CACNA1S: variants seen among roughly 807,000 people sequenced by gnomAD.
The protein encoded by CACNA1S is calcium voltage-gated channel subunit alpha1 S.
CACNA1S carries 126 observed loss-of-function variants against 207.4 expected under a neutral mutation model. The observed-to-expected ratio is 0.61, with a 90% CI of 0.53 to 0.70. The LOEUF is 0.70. Among genes scored for constraint, CACNA1S ranks in the 30% least tolerant of loss-of-function variants. The pLI is 0.00. For missense variants in CACNA1S, 2,349 were observed against 2,422.8 expected (o/e 0.97, Z 0.64); for synonymous variants, 960 against 932.7 (o/e 1.03, Z -0.53).
At chr1:201,102,580 G>A (rs978063713) in intron 2 of CACNA1S, among the ~76,000 whole-genome samples, 8 of 152,148 alleles carry the variant, frequency 5.3e-5, no homozygotes, top group Non-Finnish European at 8.8e-5. Context: ...TACCCAACAC[G>A]CATCCCAGTC....
intron 19 of CACNA1S, 36 bp downstream of exon 19, chr1:201,069,101 C>T (rs1661357078): frequency 6.3e-7 from 1 of 1,591,688 alleles, no homozygotes; most frequent in Non-Finnish European, 8.6e-7. Context: ...ATCAGGGAAA[C>T]TCCCTCCCCA....
intron 38 of CACNA1S, among the ~76,000 whole-genome samples, chr1:201,045,898 T>C (rs1156762558): frequency 1.3e-5 from 2 of 152,178 alleles, no homozygotes; most frequent in Non-Finnish European, 2.9e-5. Context: ...TTTTGGATGA[T>C]GGAACATCAT....
intron 15 of CACNA1S, 63 bp downstream of exon 15, chr1:201,073,486 A>C: frequency 7.5e-7 from 1 of 1,330,520 alleles, no homozygotes; most frequent in South Asian, 1.2e-5. Flanking sequence ...CTGTGGTATG[A>C]AGGGAACCAT....
At position 201,043,470 on chromosome 1, in the gene CACNA1S, G is replaced by A. The variant is rs909486129; in HGVS notation, c.4859C>T (p.Pro1620Leu). ...GAGGGGTCTCTGATTGGCCATGACGGGGGGCAGGGAGTTGGTCCTTTCCAG... is the reference window on the plus strand; with the variant it reads ...GAGGGGTCTCTGATTGGCCATGACGAGGGGCAGGGAGTTGGTCCTTTCCAG... ...NFLERTNSLP[P>L]VMANQRPLQF... The change falls in exon 40 of 44, where the codon CCC becomes CTC. Residue 1620 changes from proline to leucine, a missense_variant. Physicochemically the swap from Pro to Leu is moderately conservative, Grantham distance 98. Transcript: ENST00000362061. The A allele has an allele frequency of 6.2e-7, 1 of 1,613,888 alleles. No individual in the cohort carries two copies. The highest frequency in any genetic ancestry group is 1.3e-5 in the African/African-American group (1 of 74,878).
rs777962341 is a variant in CACNA1S at position 201,077,119 on chromosome 1, G to A, written c.1628C>T (p.Thr543Met). The change falls in exon 12 of 44, where the codon ACG becomes ATG. Residue 543 changes from threonine (T) to methionine (M), a missense_variant. Physicochemically the swap from Thr to Met is moderately conservative, Grantham distance 81 (BLOSUM62 -1). Transcript: ENST00000362061. ...GGATGCCACCAGGTTGCTCAGCGAC[G>A]TCCAATATCTGAAGGAAGAGGAGGC... Reference protein sequence around the residue: ...LRIFKITKYWTSLSNLVASLL... With the variant: ...LRIFKITKYWMSLSNLVASLL... 1.9e-5 allele frequency: 31 copies of A among 1,613,958 alleles called. No homozygotes were observed. Among genetic ancestry groups the A allele is most frequent in the Middle Eastern group, 1.7e-4 (1 of 6,038 alleles).
intron 12 of CACNA1S, 75 bp downstream of exon 12, chr1:201,076,845 C>A: frequency 2.2e-6 from 3 of 1,371,062 alleles, no homozygotes; most frequent in Non-Finnish European, 3.1e-6. Flanking sequence ...AGGTGATGCC[C>A]ACCTTGATCT....
intron 9 of CACNA1S, among the ~76,000 whole-genome samples, chr1:201,084,560 G>A (rs1350163572): frequency 2.0e-5 from 3 of 152,172 alleles, no homozygotes; most frequent in Non-Finnish European, 4.4e-5. Context: ...TCCTTCCTGA[G>A]GGGCTCCCGG....
chr1:201,099,546 T>C (rs1296771654), intron 2 of CACNA1S, among the ~76,000 whole-genome samples: 6 of 152,216 alleles, frequency 3.9e-5, no homozygotes, highest in Non-Finnish European at 8.8e-5. Context: ...AATGGACTCA[T>C]ATTCGTTGTT....
intron 6 of CACNA1S, among the ~76,000 whole-genome samples, chr1:201,088,350 C>A (rs1662106626): frequency 6.6e-6 from 1 of 152,180 alleles, no homozygotes. Context: ...CATCTAATGG[C>A]GATAATGACA....
chr1:201,093,434 G>A (rs962304287), intron 3 of CACNA1S, among the ~76,000 whole-genome samples: 1 of 152,188 alleles, frequency 6.6e-6, no homozygotes, highest in African/African-American at 2.4e-5. Context: ...CCCAATCTGT[G>A]GAATGTTATT....
At chr1:201,109,898 C>T (rs926573965) in intron 2 of CACNA1S, among the ~76,000 whole-genome samples, 1 of 152,222 alleles carries the variant, frequency 6.6e-6, no homozygotes, top group African/African-American at 2.4e-5. Context: ...AATGAATTTA[C>T]TCTCATCAGG....
At chr1:201,045,493 G>A (rs1660440690) in intron 38 of CACNA1S, among the ~76,000 whole-genome samples, 1 of 152,062 alleles carries the variant, frequency 6.6e-6, no homozygotes. Context: ...CCAGCACTTT[G>A]AGAAGCTGAG....
At chr1:201,096,774 C>A (rs929953162) in intron 2 of CACNA1S, among the ~76,000 whole-genome samples, 6 of 152,198 alleles carry the variant, frequency 3.9e-5, no homozygotes, top group African/African-American at 1.2e-4. Flanking sequence ...GCACCAAATG[C>A]TGAATACATC....
intron 2 of CACNA1S, among the ~76,000 whole-genome samples, chr1:201,109,189 A>G (rs1436145704): frequency 6.6e-6 from 1 of 151,094 alleles, no homozygotes; most frequent in Non-Finnish European, 1.5e-5. Context: ...CGGAGGTTGC[A>G]GTGAGCCGAG....
At chr1:201,059,761 A>G in intron 26 of CACNA1S, among the ~76,000 whole-genome samples, 1 of 152,186 alleles carries the variant, frequency 6.6e-6, no homozygotes, top group African/African-American at 2.4e-5. Flanking sequence ...CTGAGAGCTC[A>G]CCAAGCTTAC....
chr1:201,073,241 G>A (rs1223026404), intron 15 of CACNA1S, among the ~76,000 whole-genome samples: 1 of 152,170 alleles, frequency 6.6e-6, no homozygotes, highest in Non-Finnish European at 1.5e-5. Context: ...GGTGGAAGCC[G>A]GTCTGGGCCT....
intron 32 of CACNA1S, 44 bp downstream of exon 32, chr1:201,052,513 G>A: frequency 1.4e-6 from 2 of 1,466,474 alleles, no homozygotes; most frequent in Non-Finnish European, 1.9e-6. Context: ...GCAAAGGCTG[G>A]ACTGGTCAGC....
intron 2 of CACNA1S, among the ~76,000 whole-genome samples, chr1:201,104,262 C>T (rs556879177): frequency 2.0e-5 from 3 of 152,206 alleles, no homozygotes; most frequent in Non-Finnish European, 4.4e-5. Context: ...GCCTCTACCC[C>T]ACTAGATGCT....
chr1:201,075,664 G>C, intron 12 of CACNA1S, 49 bp from the exon 13 acceptor site: 1 of 1,602,178 alleles, frequency 6.2e-7, no homozygotes, highest in Non-Finnish European at 8.6e-7. Context: ...GGGCCTGAGA[G>C]TCTTCTATTG....
Sources: allele counts gnomAD v4.1 joint callset (sites outside exome capture counted in the v4.1 genomes callset), GRCh38; gene constraint gnomAD v4.1.1; transcripts MANE v1.5; gene names NCBI Gene and HGNC (gene_info 2026-07-23, HGNC 2026-07-21).